NDUFA8: variants seen among roughly 807,000 people sequenced by gnomAD.
NDUFA8 encodes the protein NADH:ubiquinone oxidoreductase subunit A8.
A neutral mutation model predicts 20.9 loss-of-function variants in NDUFA8; 16 were observed. That is an observed-to-expected ratio of 0.77 (90% confidence interval 0.52 to 1.16). The LOEUF (loss-of-function observed/expected upper bound fraction) is 1.16. Ranked by LOEUF, NDUFA8 falls within the 50% of genes most tolerant of loss-of-function variation. NDUFA8 has a pLI of 0.00. For missense variants in NDUFA8, 202 were observed against 216.4 expected (o/e 0.93, Z 0.42); for synonymous variants, 70 against 76.1 (o/e 0.92, Z 0.41).
In NDUFA8 at chr9:122,152,516, C is replaced by T; in HGVS notation, c.52-108G>A. 4.9e-6 allele frequency: 5 copies of T among 1,024,904 alleles called. No homozygotes were observed. The South Asian group carries it at 5.7e-5, about 12-fold the overall frequency. The allele number at this position is 1,024,904 out of a possible 1,614,324, so 63.5% of individuals were successfully genotyped here. A position where few individuals can be genotyped will look rare whatever the true frequency, so the allele number is the denominator to read the frequency against. ...TAGAGAACACAAAAGTAGCACTGTT[C>T]TGACTTTACCAAGAAAATTAAACAC... On this transcript the variant is annotated intron_variant, in intron 1 of 3. Coordinates refer to ENST00000373768, the MANE Select transcript of NDUFA8 (RefSeq NM_014222.3).
At chr9:122,136,327 A>G in the NDUFA8 span, among the ~76,000 whole-genome samples, 2 of 152,258 alleles carry the variant, frequency 1.3e-5, no homozygotes, top group Non-Finnish European at 2.9e-5. Context: ...ATAATGTATC[A>G]ATACAACAAT....
downstream of NDUFA8, chr9:122,144,028 G>T: frequency 6.5e-6 from 9 of 1,391,074 alleles, no homozygotes; most frequent in Non-Finnish European, 7.5e-6. Flanking sequence ...AAGGCCAAAA[G>T]GTCACATAAA....
chr9:122,138,867 G>GT, the NDUFA8 span, among the ~76,000 whole-genome samples: 68 of 140,802 alleles, frequency 4.8e-4, 1 homozygote, highest in African/African-American at 1.7e-3. Context: ...AGAAGAGGTG[G>GT]GGGGGGGGCC....
the NDUFA8 span, among the ~76,000 whole-genome samples, chr9:122,137,086 A>G: frequency 3.9e-5 from 6 of 152,238 alleles, no homozygotes; most frequent in Admixed American, 1.3e-4. Flanking sequence ...ATTCAGATCG[A>G]ATTTGGCCCA....
At chr9:122,149,912 A>G (rs1466612545) in intron 2 of NDUFA8, among the ~76,000 whole-genome samples, 1 of 152,076 alleles carries the variant, frequency 6.6e-6, no homozygotes, top group Non-Finnish European at 1.5e-5. Context: ...AACAAAGATC[A>G]CGCCACAGCA....
At chr9:122,151,207 G>A (rs550557914) in intron 2 of NDUFA8, among the ~76,000 whole-genome samples, 1 of 152,222 alleles carries the variant, frequency 6.6e-6, no homozygotes, top group South Asian at 2.1e-4. Context: ...GACATCGGTG[G>A]TTTCTGCCTA....
At chr9:122,154,632 C>T (rs1277324500) in intron 1 of NDUFA8, among the ~76,000 whole-genome samples, 1 of 152,172 alleles carries the variant, frequency 6.6e-6, no homozygotes, top group Non-Finnish European at 1.5e-5. Flanking sequence ...CTGTCTCTTT[C>T]CCTTCTGCTA....
downstream of NDUFA8, among the ~76,000 whole-genome samples, chr9:122,142,739 C>T (rs1828841591): frequency 6.6e-6 from 1 of 152,044 alleles, no homozygotes; most frequent in African/African-American, 2.4e-5. Flanking sequence ...TAGCACAGTG[C>T]ACAATATTAT....
chr9:122,138,844 A>G, the NDUFA8 span, among the ~76,000 whole-genome samples: 5 of 124,012 alleles, frequency 4.0e-5, no homozygotes, highest in Non-Finnish European at 8.2e-5. Flanking sequence ...AATCTCCAAG[A>G]AAGAGATCAC....
chr9:122,134,875 A>G, the NDUFA8 span, among the ~76,000 whole-genome samples: 1 of 152,240 alleles, frequency 6.6e-6, no homozygotes, highest in Admixed American at 6.5e-5. Context: ...GCAATGGGTC[A>G]GAGCCCTCAC....
intron 2 of NDUFA8, among the ~76,000 whole-genome samples, chr9:122,149,956 C>CA (rs1048614349): frequency 4.8e-4 from 69 of 143,580 alleles, no homozygotes; most frequent in Admixed American, 2.8e-3. Context: ...GACTCTGTCT[C>CA]AAAAAAAAAA....
At chr9:122,147,263 A>T (rs2118700165) in intron 3 of NDUFA8, among the ~76,000 whole-genome samples, 1 of 120,692 alleles carries the variant, frequency 8.3e-6, no homozygotes, top group East Asian at 2.0e-4. Context: ...ATTCCAGAAG[A>T]TGCTAATCTA....
chr9:122,158,102 A>C (rs1829104401), intron 1 of NDUFA8, among the ~76,000 whole-genome samples: 1 of 152,142 alleles, frequency 6.6e-6, no homozygotes, highest in African/African-American at 2.4e-5. Context: ...GCAGTGGGCC[A>C]ATATCGCGCC....
chr9:122,136,673 T>C, the NDUFA8 span, among the ~76,000 whole-genome samples: 5 of 151,952 alleles, frequency 3.3e-5, no homozygotes, highest in Admixed American at 6.6e-5. Flanking sequence ...TCTCCTGCCT[T>C]AGCCTCCTGA....
At chr9:122,145,853 G>C (rs1334898510) in intron 3 of NDUFA8, among the ~76,000 whole-genome samples, 1 of 152,198 alleles carries the variant, frequency 6.6e-6, no homozygotes, top group East Asian at 1.9e-4. Context: ...AGGAATTAAA[G>C]ACATTTATGA....
intron 2 of NDUFA8, among the ~76,000 whole-genome samples, chr9:122,150,059 C>T (rs1828969011): frequency 2.0e-5 from 3 of 152,142 alleles, no homozygotes; most frequent in Admixed American, 6.5e-5. Context: ...TTGCACCTCC[C>T]AAATATTTAA....
At chr9:122,143,237 C>T (rs1445189435), downstream of NDUFA8, among the ~76,000 whole-genome samples, 4 of 152,118 alleles carry the variant, frequency 2.6e-5, no homozygotes, top group Non-Finnish European at 5.9e-5. Context: ...TTTTAGAGTG[C>T]CGCAAAGAGG....
At chr9:122,159,422 C>T (rs2118725882) in intron 1 of NDUFA8, among the ~76,000 whole-genome samples, 1 of 152,228 alleles carries the variant, frequency 6.6e-6, no homozygotes, top group African/African-American at 2.4e-5. Context: ...TCTAGAGCCA[C>T]TGCAAGATGC....
At chr9:122,152,118 T>G in intron 2 of NDUFA8, 127 bp downstream of exon 2, 1 of 1,064,712 alleles carries the variant, frequency 9.4e-7, no homozygotes, top group South Asian at 1.4e-5. Context: ...CTTTGAATGT[T>G]TTACCTTGGT....
Sources: gnomAD v4.1 joint callset for allele counts (sites outside exome capture counted in the v4.1 genomes callset) on GRCh38, gnomAD v4.1.1 for gene constraint, MANE v1.5 for transcripts, NCBI Gene and HGNC (gene_info 2026-07-23, HGNC 2026-07-21) for gene names.